LINGO2: variants seen among roughly 807,000 people sequenced by gnomAD.
LINGO2 encodes leucine-rich repeat and immunoglobulin-like domain-containing nogo receptor-interacting protein 2.
In LINGO2, 14 loss-of-function variants were observed where a neutral mutation model predicts 30.6. The observed-to-expected ratio is 0.46, with a 90% CI of 0.30 to 0.72. LINGO2 has a LOEUF of 0.72. Among genes scored for constraint, LINGO2 ranks in the 30% least tolerant of loss-of-function variants. The pLI, the probability that LINGO2 is intolerant of heterozygous loss-of-function variation, is 0.07. For missense variants in LINGO2, 729 were observed against 751.7 expected (o/e 0.97, Z 0.35); for synonymous variants, 317 against 288.5 (o/e 1.10, Z -1.00).
At chr9:28,293,847 T>C (rs1483019519) in intron 4 of LINGO2, among the ~76,000 whole-genome samples, 5 of 152,228 alleles carry the variant, frequency 3.3e-5, no homozygotes, top group African/African-American at 9.6e-5. Flanking sequence ...GCTACAGTTA[T>C]GTGTTAGATG....
At chr9:28,076,576 C>T (rs1825629674) in intron 4 of LINGO2, among the ~76,000 whole-genome samples, 1 of 151,808 alleles carries the variant, frequency 6.6e-6, no homozygotes, top group Non-Finnish European at 1.5e-5. Context: ...TTTTTGATCA[C>T]ATTCCTTTCT....
At chr9:28,920,256 T>G in the LINGO2 span, among the ~76,000 whole-genome samples, 2 of 151,956 alleles carry the variant, frequency 1.3e-5, no homozygotes, top group Non-Finnish European at 2.9e-5. Context: ...ATAAATAATT[T>G]GATTTCATAA....
the LINGO2 span, among the ~76,000 whole-genome samples, chr9:29,136,721 C>T: frequency 0.011 from 1,710 of 152,212 alleles, 30 homozygotes; most frequent in African/African-American, 0.039. Flanking sequence ...TATCACCCTG[C>T]ATAGTCTTAC....
At chr9:28,681,089 C>CT in the LINGO2 span, among the ~76,000 whole-genome samples, 4 of 151,934 alleles carry the variant, frequency 2.6e-5, no homozygotes, top group Non-Finnish European at 5.9e-5. Flanking sequence ...ATATGAAAGT[C>CT]TTTAATGCAA....
At chr9:28,506,503 G>GATAGATATATATATATAT (rs1380029523) in intron 1 of LINGO2, among the ~76,000 whole-genome samples, 2 of 83,104 alleles carry the variant, frequency 2.4e-5, no homozygotes, top group Admixed American at 1.5e-4. Flanking sequence ...CACACACACA[G>GATAGATATATATATATAT]ACATATATAT....
At chr9:29,145,900 TTA>T in the LINGO2 span, among the ~76,000 whole-genome samples, 1 of 152,164 alleles carries the variant, frequency 6.6e-6, no homozygotes, top group Non-Finnish European at 1.5e-5. Context: ...TGTATTTATG[TTA>T]TATGTGTGTG....
chr9:29,022,060 T>C, the LINGO2 span, among the ~76,000 whole-genome samples: 2 of 152,204 alleles, frequency 1.3e-5, no homozygotes, highest in African/African-American at 4.8e-5. Context: ...ACTGGGGTAT[T>C]GTCCTACCTT....
intron 5 of LINGO2, among the ~76,000 whole-genome samples, chr9:27,974,698 A>C (rs1187509525): frequency 6.6e-6 from 1 of 152,166 alleles, no homozygotes. Context: ...TGGGCTTAAC[A>C]AACAGGGAGC....
At chr9:29,168,059 T>G in the LINGO2 span, among the ~76,000 whole-genome samples, 95 of 152,210 alleles carry the variant, frequency 6.2e-4, 2 homozygotes, top group Admixed American at 5.6e-3. Flanking sequence ...TTTATTTGTC[T>G]TTTTTTAATG....
intron 2 of LINGO2, among the ~76,000 whole-genome samples, chr9:28,475,061 G>A (rs1012229531): frequency 5.3e-5 from 8 of 151,910 alleles, no homozygotes; most frequent in Non-Finnish European, 1.2e-4. Flanking sequence ...AGTCTGAGAA[G>A]CACTGAGCTC....
chr9:28,749,452 C>T, the LINGO2 span, among the ~76,000 whole-genome samples: 1 of 152,014 alleles, frequency 6.6e-6, no homozygotes, highest in Non-Finnish European at 1.5e-5. Context: ...TATGTGCCTA[C>T]TCCTATAGGT....
chr9:28,222,815 G>C (rs1330593483), intron 4 of LINGO2, among the ~76,000 whole-genome samples: 1 of 152,124 alleles, frequency 6.6e-6, no homozygotes, highest in Non-Finnish European at 1.5e-5. Flanking sequence ...GCCACAGTAA[G>C]TTTCCAAAAT....
chr9:28,303,838 G>C (rs1028146040), intron 3 of LINGO2, among the ~76,000 whole-genome samples: 1 of 151,996 alleles, frequency 6.6e-6, no homozygotes, highest in African/African-American at 2.4e-5. Flanking sequence ...AGAAGAGGAA[G>C]AGGTAAAGGA....
chr9:28,694,328 A>G, the LINGO2 span, among the ~76,000 whole-genome samples: 9,803 of 152,050 alleles, frequency 0.064, 475 homozygotes, highest in Admixed American at 0.18. Context: ...GATGAGAAAG[A>G]AACTTTTTAA....
chr9:29,101,579 C>A, the LINGO2 span, among the ~76,000 whole-genome samples: 1 of 152,064 alleles, frequency 6.6e-6, no homozygotes, highest in Non-Finnish European at 1.5e-5. Context: ...CTCTTCTCAG[C>A]CTTGGGTAAC....
At position 28,504,596 on chromosome 9, in the gene LINGO2, T is replaced by C. The variant is rs1290797307; in HGVS notation, c.-364-28571A>G. ...ACTGTTCTTTAACTGCTAGATTTTTTTTCATTACATTTTAATGCATTAGCT... is the reference window on the plus strand; with the variant it reads ...ACTGTTCTTTAACTGCTAGATTTTTCTTCATTACATTTTAATGCATTAGCT... On this transcript the variant is annotated intron_variant, in intron 1 of 5. Coordinates refer to ENST00000379992, the Ensembl canonical transcript of LINGO2. Among the ~76,000 whole-genome samples the C allele has an allele frequency of 7.9e-5, 12 of 151,926 alleles. No individual in the cohort carries two copies. The South Asian group carries it at 1.4e-3, about 18-fold the overall frequency.
intron 4 of LINGO2, among the ~76,000 whole-genome samples, chr9:28,082,107 G>C (rs1320209980): frequency 1.3e-5 from 2 of 152,090 alleles, no homozygotes; most frequent in East Asian, 3.8e-4. Flanking sequence ...TTTCGTTGAG[G>C]TCTATCTTCC....
At chr9:28,686,493 T>C in the LINGO2 span, among the ~76,000 whole-genome samples, 69 of 152,160 alleles carry the variant, frequency 4.5e-4, no homozygotes, top group African/African-American at 1.5e-3. Flanking sequence ...GGTGGAAAAT[T>C]TGTATCAATA....
At chr9:28,875,769 G>T in the LINGO2 span, among the ~76,000 whole-genome samples, 1 of 151,986 alleles carries the variant, frequency 6.6e-6, no homozygotes, top group South Asian at 2.1e-4. Flanking sequence ...ATTCCAGAAA[G>T]GTGCTATTGA....
Sources: gnomAD v4.1 joint callset for allele counts (sites outside exome capture counted in the v4.1 genomes callset) on GRCh38, gnomAD v4.1.1 for gene constraint, MANE v1.5 for transcripts, NCBI Gene and HGNC (gene_info 2026-07-23, HGNC 2026-07-21) for gene names.